The following FYB2 variants were observed in gnomAD, a reference collection of about 807,000 sequenced individuals.
The protein encoded by FYB2 is FYN binding protein 2.
In FYB2, 103 loss-of-function variants were observed where a neutral mutation model predicts 94.1. The observed-to-expected ratio is 1.09, with a 90% confidence interval of 0.93 to 1.29. The LOEUF (loss-of-function observed/expected upper bound fraction) is 1.29. Ranked by LOEUF, FYB2 falls within the 50% of genes most tolerant of loss-of-function variation. The pLI is 0.00. For missense variants in FYB2, 896 were observed against 841.5 expected (o/e 1.06, Z -0.80); for synonymous variants, 293 against 287.9 (o/e 1.02, Z -0.18).
intron 5 of FYB2, among the ~76,000 whole-genome samples, chr1:56,765,521 T>C (rs1645600943): frequency 6.6e-6 from 1 of 152,214 alleles, no homozygotes; most frequent in Non-Finnish European, 1.5e-5. Flanking sequence ...AGCATTGCTG[T>C]TGGTGGTGGG....
At chr1:56,823,472 T>C (rs1647004947), upstream of FYB2, among the ~76,000 whole-genome samples, 1 of 152,226 alleles carries the variant, frequency 6.6e-6, no homozygotes, top group Non-Finnish European at 1.5e-5. Context: ...CCTAGAATTA[T>C]CTTGGAGGTG....
intron 12 of FYB2, among the ~76,000 whole-genome samples, chr1:56,741,495 A>G (rs1644951803): frequency 6.6e-6 from 1 of 152,070 alleles, no homozygotes. Flanking sequence ...ATTCTGTCAA[A>G]TATCCTTTTG....
At chr1:56,795,842 C>A (rs1013428855) in intron 1 of FYB2, among the ~76,000 whole-genome samples, 2 of 152,146 alleles carry the variant, frequency 1.3e-5, no homozygotes, top group African/African-American at 4.8e-5. Flanking sequence ...GATTTGATAA[C>A]CTCCAAACCA....
At chr1:56,729,708 T>C (rs1644662505) in intron 15 of FYB2, among the ~76,000 whole-genome samples, 1 of 152,110 alleles carries the variant, frequency 6.6e-6, no homozygotes, top group Non-Finnish European at 1.5e-5. Context: ...CAGAACATGT[T>C]ACTCATGTTC....
Position 56,762,299 on chromosome 1 carries a change from T to A in FYB2, c.1064-3549A>T, listed in dbSNP as rs1570047614. ...TTATAGGAATTTTATTAAACCTGTG[T>A]ATCATTTTGAGATAATTGACATTTT... On this transcript the variant is annotated intron_variant, in intron 5 of 19. Coordinates refer to ENST00000343433, the MANE Select transcript of FYB2 (RefSeq NM_001004303.5). Among the ~76,000 whole-genome samples the A allele has an allele frequency of 2.6e-5, 4 of 152,330 alleles. No individual in the cohort carries two copies. In the South Asian group the frequency reaches 8.3e-4, roughly 32 times the overall value.
At chr1:56,826,392 T>C in the FYB2 span, among the ~76,000 whole-genome samples, 18 of 152,382 alleles carry the variant, frequency 1.2e-4, no homozygotes, top group South Asian at 3.7e-3. Context: ...CAAGACTCTT[T>C]AGAATCAGCC....
At chr1:56,819,140 A>C in intron 1 of FYB2, 142 bp downstream of exon 1, 1 of 805,206 alleles carries the variant, frequency 1.2e-6, no homozygotes, top group Non-Finnish European at 1.9e-6. Flanking sequence ...GCAGAAATGC[A>C]CTGGCTGACA....
intron 1 of FYB2, among the ~76,000 whole-genome samples, chr1:56,803,931 C>G (rs1219780883): frequency 1.3e-5 from 2 of 152,206 alleles, no homozygotes; most frequent in Non-Finnish European, 2.9e-5. Context: ...TCTCCTCAGA[C>G]CTCTTCTGGC....
At chr1:56,812,145 C>T (rs1646782413) in intron 1 of FYB2, among the ~76,000 whole-genome samples, 1 of 152,094 alleles carries the variant, frequency 6.6e-6, no homozygotes, top group Admixed American at 6.5e-5. Flanking sequence ...CTTTCAAATA[C>T]ATTATTCTAT....
upstream of FYB2, chr1:56,819,541 C>T (rs1646963794): frequency 1.4e-5 from 8 of 588,936 alleles, no homozygotes; most frequent in Middle Eastern, 4.6e-4. Context: ...GGGGAGAGTA[C>T]TCCACCTGCA....
intron 4 of FYB2, among the ~76,000 whole-genome samples, chr1:56,783,462 C>A (rs1646054928): frequency 6.6e-6 from 1 of 152,038 alleles, no homozygotes; most frequent in Non-Finnish European, 1.5e-5. Flanking sequence ...AGAAATACAG[C>A]TAGAACACAA....
chr1:56,776,733 CTGGT>C, intron 4 of FYB2, among the ~76,000 whole-genome samples: 1 of 152,184 alleles, frequency 6.6e-6, no homozygotes. Flanking sequence ...AAATAGGAGC[CTGGT>C]CTCCTGACTG....
chr1:56,723,583 C>T lies in FYB2; in HGVS notation c.1974+5G>A, dbSNP rs1193257948. On this transcript the variant is annotated splice_donor_5th_base_variant and intron_variant, in intron 17 of 19. Coordinates refer to ENST00000343433, the MANE Select transcript of FYB2 (RefSeq NM_001004303.5). ...GCTAATTTTTACCTTCAGAAGAGAA[C>T]GTACCTTAAACCTTTCTCTAAATAG... 3.4e-6 allele frequency: 5 copies of T among 1,485,494 alleles called. No homozygotes were observed. The highest frequency in any genetic ancestry group is 1.4e-5 in the African/African-American group (1 of 70,572). The allele number at this position is 1,485,494 out of a possible 1,614,324, so 92.0% of individuals were successfully genotyped here.
In FYB2 at chr1:56,792,583, T is replaced by G. The variant is rs762351332; in HGVS notation, c.230A>C (p.Gln77Pro). The G allele has an allele frequency of 3.1e-6, 5 of 1,614,124 alleles. No homozygotes were observed. Among genetic ancestry groups the G allele is most frequent in the Admixed American group, 3.3e-5 (2 of 60,030 alleles). ...SSSESQPLQP[Q>P]KIKLAQKSEI... ...ACTCTTCTGAGCCAACTTTATTTTC[T>G]GAGGTTGAAGAGGCTGGGACTCACT... The change falls in exon 2 of 20, where the codon CAG (glutamine) becomes CCG (proline). Residue 77 changes from glutamine to proline, a missense_variant. Physicochemically the swap from Gln to Pro is moderately conservative, Grantham distance 76. Transcript: ENST00000343433.
intron 15 of FYB2, among the ~76,000 whole-genome samples, chr1:56,733,535 T>A (rs1390967503): frequency 6.6e-6 from 1 of 152,136 alleles, no homozygotes; most frequent in Non-Finnish European, 1.5e-5. Context: ...AGGGTGTCGA[T>A]TTTAGATCTT....
In FYB2 at chr1:56,792,338, G is replaced by A. The variant is rs765896856; in HGVS notation, c.475C>T (p.Leu159Phe). 7 of 1,614,084 alleles carry A rather than the reference G, an allele frequency of 4.3e-6. No homozygotes were observed. The highest frequency in any genetic ancestry group is 1.7e-4 in the Middle Eastern group (1 of 6,060). The stretch of plus-strand genomic sequence containing the variant: ...ATGGCCTTACTTCCATAGTTGGCAA[G>A]GAGAAGGGCTGAAGACATTTCACTT... ...QKSEMSSALL[L>F]ANYGSKAIHL... The change falls in exon 2 of 20, where the codon CTT becomes TTT. Residue 159 changes from leucine to phenylalanine, a missense_variant. Leu to Phe is a conservative substitution (Grantham distance 22). Coordinates refer to ENST00000343433, the MANE Select transcript of FYB2 (RefSeq NM_001004303.5).
In FYB2 at chr1:56,739,961, C is replaced by G. The variant is rs559986989; in HGVS notation, c.1703+736G>C. On this transcript the variant is annotated intron_variant, in intron 13 of 19. Coordinates refer to ENST00000343433, the MANE Select transcript of FYB2 (RefSeq NM_001004303.5). ...CATAAATTGAGGTGCACCTGAATAT[C>G]TACATCTATATCTATCTATTGCCTG... Among the ~76,000 whole-genome samples the G allele has an allele frequency of 7.9e-5, 12 of 152,148 alleles. No homozygotes were observed. The South Asian group carries it at 2.5e-3, about 32-fold the overall frequency.
intron 1 of FYB2, among the ~76,000 whole-genome samples, chr1:56,796,180 C>T (rs562591625): frequency 2.6e-5 from 4 of 152,202 alleles, no homozygotes; most frequent in East Asian, 1.9e-4. Flanking sequence ...GGGTGATCTC[C>T]GAAGCCCCTT....
chr1:56,810,506 C>T (rs1646743814), intron 1 of FYB2, among the ~76,000 whole-genome samples: 1 of 152,154 alleles, frequency 6.6e-6, no homozygotes, highest in Non-Finnish European at 1.5e-5. Flanking sequence ...TCAATTCACA[C>T]ACCCATTTTC....
Sources: gnomAD v4.1 joint callset for allele counts (sites outside exome capture counted in the v4.1 genomes callset) on GRCh38, gnomAD v4.1.1 for gene constraint, MANE v1.5 for transcripts, NCBI Gene and HGNC (gene_info 2026-07-23, HGNC 2026-07-21) for gene names.